Variants in DNAJA3 observed in about 807,000 individuals in gnomAD.
The protein encoded by DNAJA3 is DnaJ heat shock protein family (Hsp40) member A3, also known as dnaJ homolog subfamily A member 3, mitochondrial.
Under a neutral mutation model 54.9 loss-of-function variants are expected in DNAJA3, and 29 were observed. The observed-to-expected ratio is 0.53, with a 90% CI of 0.39 to 0.72. The LOEUF (loss-of-function observed/expected upper bound fraction) is 0.72. DNAJA3 is among the 30% of genes least tolerant of loss of function. DNAJA3 has a pLI of 0.00. For synonymous variants in DNAJA3, 302 were observed against 251.4 expected (o/e 1.20, Z -1.90); for missense variants, 708 against 639.4 (o/e 1.11, Z -1.16).
chr16:4,451,604 A>G (rs1032616811), intron 10 of DNAJA3, among the ~76,000 whole-genome samples: 1 of 151,832 alleles, frequency 6.6e-6, no homozygotes, highest in Non-Finnish European at 1.5e-5. Context: ...TAAAAATACA[A>G]AAATTAGCTG....
chr16:4,441,790 T>A (rs2141382325), intron 4 of DNAJA3, among the ~76,000 whole-genome samples: 1 of 152,282 alleles, frequency 6.6e-6, no homozygotes, highest in East Asian at 1.9e-4. Context: ...AGTTGCATAA[T>A]GAGGTAGCAC....
At position 4,441,668 on chromosome 16, in the gene DNAJA3, G is replaced by T. The variant is rs1305781367; in HGVS notation, c.630+93G>T. ...CAGTTTCTGTTTCTCAGAAAGGCAAGGCAGCTTAAATGGAGTGATCTGGAG... is the reference window on the plus strand; with the variant it reads ...CAGTTTCTGTTTCTCAGAAAGGCAATGCAGCTTAAATGGAGTGATCTGGAG... On this transcript the variant is annotated intron_variant, in intron 4 of 11. Transcript: ENST00000262375. 8 of 1,358,410 alleles carry T rather than the reference G, an allele frequency of 5.9e-6. No individual in the cohort carries two copies. In the African/African-American group the frequency reaches 1.0e-4, roughly 17 times the overall value. The allele number at this position is 1,358,410 out of a possible 1,614,324, so 84.1% of individuals were successfully genotyped here.
intron 9 of DNAJA3, 179 bp from the exon 10 acceptor site, chr16:4,450,221 G>T (rs2056960522): frequency 3.6e-6 from 2 of 556,500 alleles, no homozygotes; most frequent in East Asian, 2.9e-5. Flanking sequence ...GAGCTTTTCT[G>T]TACAGAAGCT....
intron 3 of DNAJA3, among the ~76,000 whole-genome samples, chr16:4,439,658 C>T (rs1390300905): frequency 6.6e-6 from 1 of 152,154 alleles, no homozygotes; most frequent in Non-Finnish European, 1.5e-5. Flanking sequence ...CTTCTGTCTT[C>T]AAGGGGGATG....
rs1431701990 is a variant in DNAJA3, at chr16:4,440,989, C to G, written c.430-386C>G. On this transcript the variant is annotated intron_variant, in intron 3 of 11. Coordinates refer to ENST00000262375, the MANE Select transcript of DNAJA3 (RefSeq NM_005147.6). ...TCCGGTTGTTCTGGCTTGCAGAAAACCTTTCGATGAAGGTAAGGGTAGGAA... is the reference window on the plus strand; with the variant it reads ...TCCGGTTGTTCTGGCTTGCAGAAAAGCTTTCGATGAAGGTAAGGGTAGGAA... 5 of 211,888 alleles carry G rather than the reference C, an allele frequency of 2.4e-5. No homozygotes were observed. The East Asian group carries it at 5.7e-4, about 24-fold the overall frequency. 13.1% of individuals were successfully genotyped at this position (211,888 alleles called of 1,614,324 possible).
Position 4,454,844 on chromosome 16 carries a change from A to C in DNAJA3, c.1373A>C (p.Lys458Thr). The change falls in exon 11 of 12, where the codon AAG becomes ACG. Residue 458 changes from lysine (K) to threonine (T), a missense_variant. Physicochemically the swap from Lys to Thr is moderately conservative, Grantham distance 78. Coordinates refer to ENST00000262375, the MANE Select transcript of DNAJA3 (RefSeq NM_005147.6). ...GSTMDSSAGSKARREAGEDEE... is the reference protein window; with the variant it reads ...GSTMDSSAGSTARREAGEDEE... ...ACCATGGATAGCTCCGCAGGAAGCA[A>C]GGCTAGGCGTGAGGCTGGGGAGGAC... 1 of 1,614,064 alleles carries C rather than the reference A, an allele frequency of 6.2e-7. No individual in the cohort carries two copies. The highest frequency in any genetic ancestry group is 8.5e-7 in the Non-Finnish European group (1 of 1,179,958).
chr16:4,454,517 C>G lies in DNAJA3; in HGVS notation c.1340-294C>G, dbSNP rs116142763. ...TGACTGTGTTTTTGTCACTGTTGCT[C>G]AGATAGAGACAGCTGTCATAGTCCG... On this transcript the variant is annotated intron_variant, in intron 10 of 11. Transcript: ENST00000262375. Among the ~76,000 whole-genome samples the G allele has an allele frequency of 7.6e-3, 1,152 of 152,350 alleles. 14 individuals are homozygous for G. The highest frequency in any genetic ancestry group is 0.027 in the African/African-American group (1,105 of 41,586).
chr16:4,442,679 T>A, intron 5 of DNAJA3: 1 of 522,950 alleles, frequency 1.9e-6, no homozygotes, highest in Non-Finnish European at 3.3e-6. Context: ...TTCTTTATTT[T>A]TCTAACAATT....
At chr16:4,437,035 A>AT (rs1233460896) in intron 2 of DNAJA3, among the ~76,000 whole-genome samples, 1 of 151,860 alleles carries the variant, frequency 6.6e-6, no homozygotes. Flanking sequence ...CAGTGCCTCG[A>AT]TCTCTGCTCA....
intron 1 of DNAJA3, among the ~76,000 whole-genome samples, chr16:4,428,007 A>C (rs890321553): frequency 1.3e-5 from 2 of 151,454 alleles, no homozygotes; most frequent in Admixed American, 1.3e-4. Context: ...GCTGGAGTGC[A>C]GTGGCGCTAT....
chr16:4,448,857 C>T lies in DNAJA3; in HGVS notation c.1241+9C>T, dbSNP rs1232860371. ...AAGATACGAGTTCCAAAGTAAGTGC[C>T]CCCTAGGCTGTGGCCAAGCCCGCCT... On this transcript the variant is annotated intron_variant, in intron 9 of 11. Coordinates refer to ENST00000262375, the MANE Select transcript of DNAJA3 (RefSeq NM_005147.6). 6.2e-7 allele frequency: 1 copy of T among 1,608,594 alleles called. No individual in the cohort carries two copies. Among genetic ancestry groups the T allele is most frequent in the South Asian group, 1.1e-5 (1 of 90,542 alleles).
Position 4,448,828 on chromosome 16 carries a change from C to A in DNAJA3, c.1221C>A (p.His407Gln), listed in dbSNP as rs148777688. The A allele has an allele frequency of 5.0e-6, 8 of 1,613,860 alleles. No homozygotes were observed. In the African/African-American group the frequency reaches 1.1e-4, roughly 22 times the overall value. Residue 407 changes from histidine to glutamine, a missense_variant, in exon 9 of 12, where the codon CAC (histidine) becomes CAA (glutamine). His to Gln is a conservative substitution (Grantham distance 24). Transcript: ENST00000262375. ...ACGGCTACGGAGACCACTACATCCA[C>A]ATCAAGATACGAGTTCCAAAGTAAG... The part of the protein sequence containing the change: ...NSYGYGDHYI[H>Q]IKIRVPKRLT...
intron 2 of DNAJA3, among the ~76,000 whole-genome samples, chr16:4,436,386 G>C (rs2056772362): frequency 2.6e-5 from 4 of 152,312 alleles, no homozygotes; most frequent in Admixed American, 6.5e-5. Context: ...TAATTTAAGA[G>C]AAAGACTTAA....
chr16:4,440,052 C>G (rs373129907), intron 3 of DNAJA3, among the ~76,000 whole-genome samples: 1 of 152,128 alleles, frequency 6.6e-6, no homozygotes, highest in Non-Finnish European at 1.5e-5. Context: ...ATCCTCCCAC[C>G]TCAGCCTCCC....
intron 1 of DNAJA3, among the ~76,000 whole-genome samples, chr16:4,428,454 T>C (rs1275812750): frequency 6.6e-6 from 1 of 152,230 alleles, no homozygotes; most frequent in Non-Finnish European, 1.5e-5. Context: ...AAATAGAATC[T>C]GGCTGCATCT....
chr16:4,455,533 CTCTT>C lies in DNAJA3; in HGVS notation c.*14-11_*14-8del. 6.4e-7 allele frequency: 1 copy of C among 1,551,776 alleles called. No homozygotes were observed. Among genetic ancestry groups the C allele is most frequent in the Non-Finnish European group, 8.7e-7 (1 of 1,146,968 alleles). Reference sequence around the variant, plus strand: ...TGTTGAGTATAAGGTAACAGCCTATCTCTTTGGCTCAGGAAAAAGATCCACTGGA... The same window carrying C: ...TGTTGAGTATAAGGTAACAGCCTATCTGGCTCAGGAAAAAGATCCACTGGA... On this transcript the variant is annotated splice_polypyrimidine_tract_variant and intron_variant, in intron 11 of 11. Transcript: ENST00000262375.
At chr16:4,427,955 AT>A (rs913465631) in intron 1 of DNAJA3, among the ~76,000 whole-genome samples, 300 of 145,034 alleles carry the variant, frequency 2.1e-3, no homozygotes, top group Middle Eastern at 3.6e-3. Flanking sequence ...AACAGAATGA[AT>A]TTTTTTTTTT....
intron 4 of DNAJA3, among the ~76,000 whole-genome samples, 184 bp downstream of exon 4, chr16:4,441,759 C>T (rs1239429343): frequency 6.6e-6 from 1 of 152,058 alleles, no homozygotes; most frequent in Non-Finnish European, 1.5e-5. Flanking sequence ...TGAGTATGTC[C>T]ATTCTGATGG....
chr16:4,442,966 C>T lies in DNAJA3; in HGVS notation c.784-51C>T, dbSNP rs921878537. The stretch of plus-strand genomic sequence containing the variant: ...TACGCACATTGTGGTCCCAGAACCA[C>T]CCATCAGTTTACCTGCGTACTTAGG... On this transcript the variant is annotated intron_variant, in intron 5 of 11. Coordinates refer to ENST00000262375, the MANE Select transcript of DNAJA3 (RefSeq NM_005147.6). 4.4e-6 allele frequency: 7 copies of T among 1,588,586 alleles called. No individual in the cohort carries two copies. In the Admixed American group the frequency reaches 8.7e-5, roughly 20 times the overall value.
Sources: allele counts gnomAD v4.1 joint callset (sites outside exome capture counted in the v4.1 genomes callset), GRCh38; gene constraint gnomAD v4.1.1; transcripts MANE v1.5; gene names NCBI Gene and HGNC (gene_info 2026-07-23, HGNC 2026-07-21).